Variants in AREL1 observed in about 807,000 individuals in gnomAD.
AREL1 encodes the protein apoptosis resistant E3 ubiquitin protein ligase 1, also known as apoptosis-resistant E3 ubiquitin protein ligase 1.
In AREL1, 62 loss-of-function variants were observed where a neutral mutation model predicts 99.0. The ratio of observed to expected loss-of-function variants is 0.63; its 90% CI spans 0.51 to 0.77. AREL1 has a LOEUF of 0.77. Ranked by LOEUF, AREL1 falls within the 30% of genes least tolerant of loss-of-function variation. AREL1 has a pLI of 0.00. For missense variants in AREL1, 879 were observed against 1,027.6 expected, an observed-to-expected ratio of 0.86 and a Z score of 1.98; for synonymous variants, 380 against 376.5, an observed-to-expected ratio of 1.01 and a Z score of -0.11.
Position 74,673,193 on chromosome 14 carries a change from A to G in AREL1, c.1184T>C (p.Val395Ala). Residue 395 changes from valine (V) to alanine (A), a missense_variant, in exon 10 of 20, where the codon GTC becomes GCC. Val to Ala is a moderately conservative substitution (Grantham distance 64, BLOSUM62 0). Transcript: ENST00000356357. ...TKFSYLGPDP[V>A]HKLLTLVVDD... ...CACCACCAGTGTGAGCAGCTTATGG[A>G]CAGGGTCAGGACCAAGGTATGAAAA... 1 of 1,614,138 alleles carries G rather than the reference A, an allele frequency of 6.2e-7. No homozygotes were observed. Among genetic ancestry groups the G allele is most frequent in the Non-Finnish European group, 8.5e-7 (1 of 1,180,026 alleles).
At chr14:74,694,139 C>T (rs975195259) in intron 1 of AREL1, among the ~76,000 whole-genome samples, 1 of 152,066 alleles carries the variant, frequency 6.6e-6, no homozygotes, top group Non-Finnish European at 1.5e-5. Flanking sequence ...CATGCCACTG[C>T]ACTCCACCCT....
At chr14:74,694,990 G>GAAA (rs548884827) in intron 1 of AREL1, among the ~76,000 whole-genome samples, 5 of 82,838 alleles carry the variant, frequency 6.0e-5, no homozygotes, top group Non-Finnish European at 1.2e-4. Context: ...CTCTGTCTCG[G>GAAA]AAAAAAAAAA....
chr14:74,669,350 G>A (rs2089278994), intron 15 of AREL1, among the ~76,000 whole-genome samples: 1 of 152,098 alleles, frequency 6.6e-6, no homozygotes. Flanking sequence ...AGCAGGACTC[G>A]GTGGGATAGA....
At chr14:74,666,226 C>T (rs540537620) in intron 17 of AREL1, among the ~76,000 whole-genome samples, 314 of 152,310 alleles carry the variant, frequency 2.1e-3, no homozygotes, top group Non-Finnish European at 3.0e-3. Flanking sequence ...GAAAACCTTC[C>T]TCCCTAAAGA....
chr14:74,683,842 G>A (rs901428708), intron 4 of AREL1, among the ~76,000 whole-genome samples: 1 of 152,128 alleles, frequency 6.6e-6, no homozygotes, highest in African/African-American at 2.4e-5. Context: ...TGCCTCCTTG[G>A]TCTTACCAGC....
At chr14:74,691,320 C>T (rs77675957) in intron 2 of AREL1, among the ~76,000 whole-genome samples, 963 of 92,958 alleles carry the variant, frequency 0.01, 11 homozygotes, top group African/African-American at 0.037. Flanking sequence ...ACCCTGTCTC[C>T]ATTTAAAAAA....
At position 74,676,641 on chromosome 14, in the gene AREL1, G is replaced by A; in HGVS notation, c.593C>T (p.Pro198Leu). The A allele has an allele frequency of 1.2e-6, 2 of 1,613,966 alleles. No individual in the cohort carries two copies. The highest frequency in any genetic ancestry group is 1.7e-6 in the Non-Finnish European group (2 of 1,179,978). The change falls in exon 6 of 20, where the codon CCC (proline) becomes CTC (leucine). Residue 198 changes from proline (P) to leucine (L), a missense_variant. Physicochemically the swap from Pro to Leu is moderately conservative, Grantham distance 98. Transcript: ENST00000356357. ...TCTCAAGGACATGGAATTGTTGGTG[G>A]GATTATCATACTCATCTCGGGGTAC... ...QIVPRDEYDNPTNNSMSLRDE... is the reference protein window; with the variant it reads ...QIVPRDEYDNLTNNSMSLRDE...
intron 6 of AREL1, 125 bp downstream of exon 6, chr14:74,676,458 T>C: frequency 3.6e-6 from 5 of 1,407,338 alleles, no homozygotes; most frequent in Non-Finnish European, 4.9e-6. Context: ...TATTGTCAGA[T>C]GAAGATACAG....
chr14:74,668,900 T>C (rs1595338673), intron 15 of AREL1, among the ~76,000 whole-genome samples: 1 of 152,310 alleles, frequency 6.6e-6, no homozygotes, highest in Middle Eastern at 3.4e-3. Context: ...TATTTTGAGA[T>C]AGGGTTTTGC....
Position 74,663,040 on chromosome 14 carries a change from G to T in AREL1, c.*680C>A, listed in dbSNP as rs2089120416. 5.9e-6 allele frequency: 1 copy of T among 169,168 alleles called. No individual in the cohort carries two copies. Among genetic ancestry groups the T allele is most frequent in the Non-Finnish European group, 1.3e-5 (1 of 79,528 alleles). 10.5% of individuals were successfully genotyped at this position (169,168 alleles called of 1,614,324 possible). ...CTCACTGGCTACAATTCAAGAAAAA[G>T]CTTACAGAGTTCTTCTTTGTGGATT... On this transcript the variant is annotated 3_prime_UTR_variant, in exon 20 of 20. Coordinates refer to ENST00000356357, the MANE Select transcript of AREL1 (RefSeq NM_001039479.2).
At position 74,661,365 on chromosome 14, in the gene AREL1, C is replaced by T. The variant is rs778627218; in HGVS notation, c.*2355G>A. The T allele has an allele frequency of 2.2e-6, 1 of 455,852 alleles. No homozygotes were observed. Among genetic ancestry groups the T allele is most frequent in the South Asian group, 1.6e-5 (1 of 64,476 alleles). The allele number at this position is 455,852 out of a possible 1,614,324, so 28.2% of individuals were successfully genotyped here. On this transcript the variant is annotated 3_prime_UTR_variant, in exon 20 of 20. Transcript: ENST00000356357. ...ATCTGCAGCAGGGCTTGGTCTCTGC[C>T]AATTTTCCAGAAACATGCTGACACT... is the stretch of plus-strand genomic sequence containing the variant.
intron 1 of AREL1, among the ~76,000 whole-genome samples, chr14:74,702,080 C>T (rs893184594): frequency 6.6e-6 from 1 of 152,228 alleles, no homozygotes; most frequent in African/African-American, 2.4e-5. Context: ...GCACTGAGTG[C>T]CTGAGGCTTT....
At chr14:74,665,212 G>T (rs1362012529) in intron 17 of AREL1, among the ~76,000 whole-genome samples, 1 of 151,620 alleles carries the variant, frequency 6.6e-6, no homozygotes. Context: ...GAATCTCTCG[G>T]AACAGGTTAT....
At chr14:74,683,122 G>T (rs764434381) in intron 5 of AREL1, among the ~76,000 whole-genome samples, 174 bp downstream of exon 5, 1 of 152,054 alleles carries the variant, frequency 6.6e-6, no homozygotes, top group Non-Finnish European at 1.5e-5. Context: ...CTCTAAAATC[G>T]ACTGTGATGA....
chr14:74,666,110 A>T (rs2089203761), intron 17 of AREL1, among the ~76,000 whole-genome samples: 1 of 152,244 alleles, frequency 6.6e-6, no homozygotes, highest in Admixed American at 6.5e-5. Context: ...GATATAAAAC[A>T]TGAAAATTAC....
In AREL1 at chr14:74,676,722, A is replaced by G; in HGVS notation, c.512T>C (p.Val171Ala). The G allele has an allele frequency of 6.2e-7, 1 of 1,611,616 alleles. No homozygotes were observed. The highest frequency in any genetic ancestry group is 8.5e-7 in the Non-Finnish European group (1 of 1,178,748). Residue 171 changes from valine (V) to alanine (A), a missense_variant, in exon 6 of 20, where the codon GTG becomes GCG. Coordinates refer to ENST00000356357, the MANE Select transcript of AREL1 (RefSeq NM_001039479.2). ...GMVVPSKTKIVCHFSTLVLTC... is the reference protein window; with the variant it reads ...GMVVPSKTKIACHFSTLVLTC... Reference sequence around the variant, plus strand: ...CAATACAAGAGTAGAAAAGTGGCACACAATTTTGGTCTTAGAAGGAACCAC... The same window carrying G: ...CAATACAAGAGTAGAAAAGTGGCACGCAATTTTGGTCTTAGAAGGAACCAC...
At chr14:74,682,412 A>G (rs2089650464) in intron 5 of AREL1, among the ~76,000 whole-genome samples, 1 of 152,226 alleles carries the variant, frequency 6.6e-6, no homozygotes, top group Non-Finnish European at 1.5e-5. Context: ...TGTCAACACA[A>G]AAACTTGTAC....
At position 74,661,585 on chromosome 14, in the gene AREL1, C is replaced by A; in HGVS notation, c.*2135G>T. 1 of 191,792 alleles carries A rather than the reference C, an allele frequency of 5.2e-6. No homozygotes were observed. Among genetic ancestry groups the A allele is most frequent in the Non-Finnish European group, 1.1e-5 (1 of 92,024 alleles). The allele number at this position is 191,792 out of a possible 1,614,324, so 11.9% of individuals were successfully genotyped here. ...ATATTGTACCTTTTCCCCACACTGG[C>A]TAGTATGAAAGCAGGATTAGAAAAA... On this transcript the variant is annotated 3_prime_UTR_variant, in exon 20 of 20. Coordinates refer to ENST00000356357, the MANE Select transcript of AREL1 (RefSeq NM_001039479.2).
At chr14:74,704,906 C>T (rs775487442) in intron 1 of AREL1, among the ~76,000 whole-genome samples, 11 of 152,124 alleles carry the variant, frequency 7.2e-5, no homozygotes, top group Non-Finnish European at 7.3e-5. Flanking sequence ...AAAATCCTCT[C>T]GTCAAATTTT....
Sources: allele counts gnomAD v4.1 joint callset (sites outside exome capture counted in the v4.1 genomes callset), GRCh38; gene constraint gnomAD v4.1.1; transcripts MANE v1.5; gene names NCBI Gene and HGNC (gene_info 2026-07-23, HGNC 2026-07-21).